Variants in RDX observed in about 807,000 individuals in gnomAD.
RDX encodes the protein radixin.
RDX carries 32 observed loss-of-function variants against 83.7 expected under a neutral mutation model. The observed-to-expected ratio is 0.38, with a 90% CI of 0.29 to 0.51. The LOEUF (loss-of-function observed/expected upper bound fraction) is 0.51, where lower values mean the gene tolerates loss of function less well. Ranked by LOEUF, RDX falls within the 20% of genes least tolerant of loss-of-function variation. RDX has a pLI of 0.87. For missense variants in RDX, 600 were observed against 689.9 expected (o/e 0.87, Z 1.46); for synonymous variants, 229 against 222.7 (o/e 1.03, Z -0.25).
chr11:110,254,365 A>G (rs961132010), intron 8 of RDX, among the ~76,000 whole-genome samples: 3 of 152,164 alleles, frequency 2.0e-5, no homozygotes, highest in Non-Finnish European at 4.4e-5. Flanking sequence ...AATGTCATTT[A>G]TTCCTTTTTG....
At chr11:110,273,524 C>T (rs957018427) in intron 2 of RDX, among the ~76,000 whole-genome samples, 1 of 152,086 alleles carries the variant, frequency 6.6e-6, no homozygotes, top group African/African-American at 2.4e-5. Flanking sequence ...AACCTATACT[C>T]CCACCTCAAT....
At chr11:110,198,573 G>A (rs1016396656) in intron 15 of RDX, among the ~76,000 whole-genome samples, 8 of 152,136 alleles carry the variant, frequency 5.3e-5, no homozygotes, top group Non-Finnish European at 1.0e-4. Context: ...TCAAAGGAGC[G>A]AACCCTATTG....
chr11:110,263,886 T>G, intron 5 of RDX, 74 bp downstream of exon 5: 3 of 1,306,056 alleles, frequency 2.3e-6, no homozygotes, highest in Non-Finnish European at 2.1e-6. Flanking sequence ...AAAAAAAACC[T>G]GAAAAACGTT....
intron 10 of RDX, among the ~76,000 whole-genome samples, chr11:110,245,800 G>C (rs569412197): frequency 6.6e-6 from 1 of 152,276 alleles, no homozygotes; most frequent in Admixed American, 6.5e-5. Flanking sequence ...CTCACTACTA[G>C]AAAGGTGCCT....
intron 11 of RDX, among the ~76,000 whole-genome samples, chr11:110,237,037 C>A (rs1261666297): frequency 6.6e-6 from 1 of 151,824 alleles, no homozygotes; most frequent in Non-Finnish European, 1.5e-5. Flanking sequence ...GACACGCTTA[C>A]ATCTAATTAT....
chr11:110,283,640 G>A (rs1860855061), intron 1 of RDX, among the ~76,000 whole-genome samples: 2 of 152,092 alleles, frequency 1.3e-5, no homozygotes, highest in African/African-American at 4.8e-5. Context: ...CAGATGGGCT[G>A]CTTGAGCCCA....
chr11:110,175,943 G>A (rs1203586842), intron 15 of RDX, among the ~76,000 whole-genome samples: 1 of 152,168 alleles, frequency 6.6e-6, no homozygotes, highest in Non-Finnish European at 1.5e-5. Context: ...GCCTGTTCTA[G>A]TCCAAGCTCA....
intron 15 of RDX, among the ~76,000 whole-genome samples, chr11:110,188,329 T>C (rs1044627717): frequency 6.3e-5 from 9 of 143,058 alleles, no homozygotes; most frequent in African/African-American, 1.7e-4. Context: ...ATAATAATAA[T>C]AATAATAACA....
At chr11:110,178,208 C>T (rs1862814841) in intron 15 of RDX, among the ~76,000 whole-genome samples, 2 of 152,328 alleles carry the variant, frequency 1.3e-5, no homozygotes, top group Middle Eastern at 3.4e-3. Context: ...TCACCCTCCA[C>T]CTGCAGCTCT....
At chr11:110,283,299 G>A (rs1388334091) in intron 1 of RDX, among the ~76,000 whole-genome samples, 1 of 151,978 alleles carries the variant, frequency 6.6e-6, no homozygotes, top group Admixed American at 6.5e-5. Context: ...GATTACAGGC[G>A]TCTGCCACCA....
chr11:110,226,038 C>T (rs1415227178), downstream of RDX, among the ~76,000 whole-genome samples: 2 of 148,740 alleles, frequency 1.3e-5, no homozygotes, highest in Non-Finnish European at 3.0e-5. Flanking sequence ...TGCACTCCAG[C>T]CTGGGCAACA....
rs576461351 is a variant in RDX at position 110,247,807 on chromosome 11, T to C, written c.986A>G (p.Lys329Arg). Reference sequence around the variant, plus strand: ...CTTTTCCTTTTCTGCTATTTCTCTTTTCTTCTTTTCATTCTCTAATTGTGC... The same window carrying C: ...CTTTTCCTTTTCTGCTATTTCTCTTCTCTTCTTTTCATTCTCTAATTGTGC... ...ERAQLENEKKKREIAEKEKER... is the reference protein window; with the variant it reads ...ERAQLENEKKRREIAEKEKER... The change falls in exon 10 of 14, where the codon AAA (lysine) becomes AGA (arginine). Residue 329 changes from lysine (K) to arginine (R), a missense_variant. Lys to Arg is a conservative substitution (Grantham distance 26). Coordinates refer to ENST00000645495, the MANE Select transcript of RDX (RefSeq NM_002906.4). The C allele has an allele frequency of 7.0e-6, 11 of 1,580,322 alleles. No homozygotes were observed. In the East Asian group the frequency reaches 2.5e-4, roughly 36 times the overall value.
intron 3 of RDX, among the ~76,000 whole-genome samples, chr11:110,266,266 G>A (rs893564268): frequency 1.3e-5 from 2 of 151,984 alleles, no homozygotes; most frequent in Non-Finnish European, 2.9e-5. Context: ...CCGGGAAGCG[G>A]AGCTTGCAGT....
intron 15 of RDX, among the ~76,000 whole-genome samples, chr11:110,198,984 T>G (rs1035721036): frequency 4.6e-5 from 7 of 152,078 alleles, no homozygotes; most frequent in African/African-American, 1.7e-4. Context: ...CCTAATTTTT[T>G]TTGTATTTTT....
chr11:110,271,244 T>C lies in RDX; in HGVS notation c.96+1292A>G, dbSNP rs542024240. ...ATTTAGAATTTTTATTTCATCAGATTTGAATCTGTATTTGACAGAATGACA... is the reference window on the plus strand; with the variant it reads ...ATTTAGAATTTTTATTTCATCAGATCTGAATCTGTATTTGACAGAATGACA... On this transcript the variant is annotated intron_variant, in intron 3 of 13. Coordinates refer to ENST00000645495, the MANE Select transcript of RDX (RefSeq NM_002906.4). 3.9e-4 allele frequency among the ~76,000 whole-genome samples: 59 copies of C among 152,334 alleles called. 1 individual carries two copies. Among genetic ancestry groups the C allele is most frequent in the South Asian group, 3.3e-3 (16 of 4,826 alleles).
At chr11:110,190,670 G>T (rs1205802794) in intron 15 of RDX, among the ~76,000 whole-genome samples, 8 of 152,034 alleles carry the variant, frequency 5.3e-5, no homozygotes, top group Admixed American at 5.2e-4. Context: ...TTATTTGAAA[G>T]AATAAAAATA....
intron 1 of RDX, among the ~76,000 whole-genome samples, chr11:110,293,361 C>T (rs1297331575): frequency 6.6e-6 from 1 of 151,942 alleles, no homozygotes; most frequent in Admixed American, 6.6e-5. Context: ...TTAAACTTTG[C>T]CATAAAATAT....
intron 8 of RDX, among the ~76,000 whole-genome samples, chr11:110,254,483 C>CTT (rs879539387): frequency 2.1e-5 from 3 of 144,488 alleles, no homozygotes; most frequent in African/African-American, 2.5e-5. Flanking sequence ...TAGAATTGTT[C>CTT]TTTTTTTTTT....
rs1565313430 is a variant in RDX, at chr11:110,247,728, T to C, written c.1065A>G (p.Glu355=). 2 of 1,612,042 alleles carry C rather than the reference T, an allele frequency of 1.2e-6. No homozygotes were observed. The highest frequency in any genetic ancestry group is 1.7e-5 in the Admixed American group (1 of 59,910). ...CTTTCTGAGCTTTAATTGTCTGCTC[T>C]TCAATTTGTTTTAGACGTTCCATTA... The part of the protein sequence containing the change: ...EELMERLKQI[E]EQTIKAQKEL... Residue 355 remains glutamate (E), a synonymous_variant, in exon 10 of 14, where the codon GAA becomes GAG. Coordinates refer to ENST00000645495, the MANE Select transcript of RDX (RefSeq NM_002906.4).
Sources: allele counts gnomAD v4.1 joint callset (sites outside exome capture counted in the v4.1 genomes callset), GRCh38; gene constraint gnomAD v4.1.1; transcripts MANE v1.5; gene names NCBI Gene and HGNC (gene_info 2026-07-23, HGNC 2026-07-21).